NF1: variants seen among roughly 807,000 people sequenced by gnomAD.
NF1 encodes the protein neurofibromin 1, also known as neurofibromin.
A neutral mutation model predicts 325.7 loss-of-function variants in NF1; 122 were observed. That is an observed-to-expected ratio of 0.37 (90% CI 0.32 to 0.44). The LOEUF is 0.44. Among genes scored for constraint, NF1 ranks in the 20% least tolerant of loss-of-function variants. The pLI, the probability that NF1 is intolerant of heterozygous loss-of-function variation, is 1.00. For missense variants in NF1, 2,140 were observed against 3,415.4 expected (o/e 0.63, Z 9.31); for synonymous variants, 1,091 against 1,186.0 (o/e 0.92, Z 1.65).
chr17:31,356,483 T>C lies in NF1; in HGVS notation c.7639T>C (p.Leu2547=), dbSNP rs1597865750. The C allele has an allele frequency of 6.2e-7, 1 of 1,613,704 alleles. No homozygotes were observed. Among genetic ancestry groups the C allele is most frequent in the African/African-American group, 1.3e-5 (1 of 75,028 alleles). The change falls in exon 52 of 58, where the codon TTG becomes CTG. Residue 2547 remains leucine (L), a synonymous_variant. Coordinates refer to ENST00000358273, the MANE Select transcript of NF1 (RefSeq NM_001042492.3). ...AGGAACAAGGAAAAGTTTTGATCAC[T>C]TGATATCAGACACAAAGGCTCCTAA... ...LLGTRKSFDH[L]ISDTKAPKRQ...
intron 5 of NF1, among the ~76,000 whole-genome samples, chr17:31,174,769 CATGAT>C (rs1278024103): frequency 1.3e-5 from 2 of 152,104 alleles, no homozygotes; most frequent in Admixed American, 1.3e-4. Flanking sequence ...ACTAAAAATA[CATGAT>C]ATGTTTTAAT....
At position 31,191,360 on chromosome 17, in the gene NF1, C is replaced by T. The variant is rs375592549; in HGVS notation, c.888+8695C>T. ...CGAGTATACATATTATTTATAATAG[C>T]GCAAATTTGAAAACAGCCCAAATGT... On this transcript the variant is annotated intron_variant, in intron 8 of 57. Transcript: ENST00000358273. 4.6e-5 allele frequency among the ~76,000 whole-genome samples: 7 copies of T among 152,112 alleles called. No individual in the cohort carries two copies. The East Asian group carries it at 7.7e-4, about 17-fold the overall frequency.
chr17:31,181,269 G>A (rs2066127217), intron 5 of NF1, among the ~76,000 whole-genome samples, 153 bp from the exon 6 acceptor site: 1 of 152,104 alleles, frequency 6.6e-6, no homozygotes, highest in Non-Finnish European at 1.5e-5. Flanking sequence ...GACAACTATC[G>A]AGTTTTGGGT....
intron 4 of NF1, among the ~76,000 whole-genome samples, chr17:31,169,359 T>G (rs1323474262): frequency 1.3e-5 from 2 of 152,226 alleles, no homozygotes; most frequent in African/African-American, 4.8e-5. Flanking sequence ...AGGATAAGGA[T>G]GCTACGATGC....
At chr17:31,118,614 A>C (rs1409719901) in intron 1 of NF1, among the ~76,000 whole-genome samples, 1 of 152,180 alleles carries the variant, frequency 6.6e-6, no homozygotes, top group African/African-American at 2.4e-5. Context: ...TGCAAAGGAC[A>C]TGAACTCATC....
At chr17:31,202,045 C>A (rs1367704431) in intron 11 of NF1, among the ~76,000 whole-genome samples, 1 of 152,000 alleles carries the variant, frequency 6.6e-6, no homozygotes, top group African/African-American at 2.4e-5. Flanking sequence ...TAACAAGATA[C>A]AAAAGCATAT....
intron 8 of NF1, chr17:31,183,183 C>T: frequency 4.1e-6 from 1 of 244,142 alleles, no homozygotes; most frequent in Non-Finnish European, 7.8e-6. Flanking sequence ...TTCTAGGAGG[C>T]TCTTAAAATT....
chr17:31,318,663 A>G (rs773681381), intron 36 of NF1: 3 of 1,613,960 alleles, frequency 1.9e-6, no homozygotes, highest in South Asian at 2.2e-5. Context: ...AAATTTCACC[A>G]TGACTTTTGC....
At chr17:31,242,401 C>T (rs935370867) in intron 29 of NF1, among the ~76,000 whole-genome samples, 10 of 147,224 alleles carry the variant, frequency 6.8e-5, no homozygotes, top group East Asian at 2.0e-4. Flanking sequence ...CTGCACCCTC[C>T]GCCTCTACCT....
chr17:31,180,647 T>C (rs1210901004), intron 5 of NF1, among the ~76,000 whole-genome samples: 1 of 152,162 alleles, frequency 6.6e-6, no homozygotes, highest in African/African-American at 2.4e-5. Context: ...TCATACTGAA[T>C]GGGCAAAAAC....
chr17:31,256,821 CAATAA>C, intron 31 of NF1, among the ~76,000 whole-genome samples: 1 of 152,148 alleles, frequency 6.6e-6, no homozygotes, highest in East Asian at 1.9e-4. Flanking sequence ...GTTCTTCATG[CAATAA>C]ACACTGTAAC....
chr17:31,191,943 T>C (rs1222046157), intron 8 of NF1, among the ~76,000 whole-genome samples: 1 of 152,216 alleles, frequency 6.6e-6, no homozygotes, highest in Non-Finnish European at 1.5e-5. Context: ...CTTTACCTAT[T>C]ATTCTGTTAT....
At chr17:31,352,230 T>C (rs750514749) in intron 50 of NF1, 27 bp from the exon 51 acceptor site, 2 of 1,610,992 alleles carry the variant, frequency 1.2e-6, no homozygotes, top group East Asian at 4.5e-5. Context: ...TATTAATTGA[T>C]TTTTCTCTAT....
chr17:31,166,495 A>G (rs1472516519), intron 4 of NF1, among the ~76,000 whole-genome samples: 1 of 151,924 alleles, frequency 6.6e-6, no homozygotes, highest in Non-Finnish European at 1.5e-5. Flanking sequence ...ATGGTTTTGC[A>G]TTTGCATTTG....
Position 31,375,234 on chromosome 17 carries a change from A to C in NF1, c.*1079A>C, listed in dbSNP as rs1597883882. The C allele has an allele frequency of 4.4e-6, 1 of 225,754 alleles. No homozygotes were observed. The highest frequency in any genetic ancestry group is 1.8e-4 in the South Asian group (1 of 5,450). 14.0% of individuals were successfully genotyped at this position (225,754 alleles called of 1,614,324 possible). ...AGAATAGAGTATGGTGTATATTATAAATTTCTTTGATAAGATGTATTTTGA... is the reference window on the plus strand; with the variant it reads ...AGAATAGAGTATGGTGTATATTATACATTTCTTTGATAAGATGTATTTTGA... On this transcript the variant is annotated 3_prime_UTR_variant, in exon 58 of 58. Transcript: ENST00000358273.
intron 1 of NF1, among the ~76,000 whole-genome samples, chr17:31,141,340 T>C (rs1446440448): frequency 2.6e-5 from 4 of 152,074 alleles, no homozygotes; most frequent in Admixed American, 6.6e-5. Flanking sequence ...CTGAAATACT[T>C]ACCAGAAATT....
Position 31,316,656 on chromosome 17 carries a change from T to C in NF1, c.4836-9164T>C, listed in dbSNP as rs191111884. Among the ~76,000 whole-genome samples, 1,002 of 152,314 alleles carry C rather than the reference T, an allele frequency of 6.6e-3. 4 individuals carry two copies. The highest frequency in any genetic ancestry group is 0.011 in the Non-Finnish European group (778 of 68,028). ...GCACAGAATGGGAAGTCTGCCCAGT[T>C]TCATTTCTAATCTGGGTTATTTTTC... On this transcript the variant is annotated intron_variant, in intron 36 of 57. Transcript: ENST00000358273.
At chr17:31,338,660 T>G (rs745751235) in intron 45 of NF1, 44 bp from the exon 46 acceptor site, 1 of 1,246,552 alleles carries the variant, frequency 8.0e-7, no homozygotes, top group South Asian at 1.2e-5. Flanking sequence ...AGTTAATGTT[T>G]TATTTCAATG....
At chr17:31,305,452 C>A in intron 36 of NF1, 2 of 1,614,042 alleles carry the variant, frequency 1.2e-6, no homozygotes, top group Non-Finnish European at 1.7e-6. Context: ...CAAAGGATTC[C>A]CTGTTGTGTT....
Sources: gnomAD v4.1 joint callset for allele counts (sites outside exome capture counted in the v4.1 genomes callset) on GRCh38, gnomAD v4.1.1 for gene constraint, MANE v1.5 for transcripts, NCBI Gene and HGNC (gene_info 2026-07-23, HGNC 2026-07-21) for gene names.